The following CEP19 variants were observed in gnomAD, a reference collection of about 807,000 sequenced individuals.
The protein encoded by CEP19 is centrosomal protein of 19 kDa.
Under a neutral mutation model 17.5 loss-of-function variants are expected in CEP19, and 14 were observed. The observed-to-expected ratio is 0.80, with a 90% confidence interval of 0.53 to 1.25. The LOEUF (loss-of-function observed/expected upper bound fraction) is 1.25, where lower values mean the gene tolerates loss of function less well. CEP19 is among the 50% of genes most tolerant of loss of function. CEP19 has a pLI of 0.00. For missense variants in CEP19, 193 were observed against 192.0 expected, an observed-to-expected ratio of 1.01 and a Z score of -0.03; for synonymous variants, 59 against 65.5, an observed-to-expected ratio of 0.90 and a Z score of 0.48.
Position 196,707,532 on chromosome 3 carries a change from A to ATTTTT in CEP19, c.*18_*19insAAAAA, listed in dbSNP as rs755898035. 1.3e-6 allele frequency: 2 copies of ATTTTT among 1,582,902 alleles called. No individual in the cohort carries two copies. Among genetic ancestry groups the ATTTTT allele is most frequent in the Non-Finnish European group, 1.7e-6 (2 of 1,166,770 alleles). On this transcript the variant is annotated 3_prime_UTR_variant, in exon 3 of 3. Transcript: ENST00000409690. The stretch of plus-strand genomic sequence containing the variant: ...CATGGATATTCTGCTAGCCCAATGC[A>ATTTTT]TGTTTTGAGTGTTTGGTATCAGAAC...
At chr3:196,709,745 C>T (rs1711676481) in intron 1 of CEP19, among the ~76,000 whole-genome samples, 1 of 152,216 alleles carries the variant, frequency 6.6e-6, no homozygotes, top group Non-Finnish European at 1.5e-5. Flanking sequence ...TTACTATTCT[C>T]TCTTCCTTTC....
At position 196,708,735 on chromosome 3, in the gene CEP19, G is replaced by T; in HGVS notation, c.-70-8C>A. ...TTGCATAATGACTTCCTGCTAAAGGGAAAAAACAACTAGGTGTTGGATAAA... is the reference window on the plus strand; with the variant it reads ...TTGCATAATGACTTCCTGCTAAAGGTAAAAAACAACTAGGTGTTGGATAAA... On this transcript the variant is annotated splice_polypyrimidine_tract_variant and splice_region_variant and intron_variant, in intron 1 of 2. Transcript: ENST00000409690. 6.9e-7 allele frequency: 1 copy of T among 1,455,636 alleles called. No individual in the cohort carries two copies. Among genetic ancestry groups the T allele is most frequent in the Non-Finnish European group, 9.4e-7 (1 of 1,058,488 alleles). The allele number at this position is 1,455,636 out of a possible 1,614,324, so 90.2% of individuals were successfully genotyped here. A position where few individuals can be genotyped will look rare whatever the true frequency, so the allele number is the denominator to read the frequency against.
chr3:196,711,868 CA>C, intron 1 of CEP19, 60 bp downstream of exon 1: 2 of 717,026 alleles, frequency 2.8e-6, no homozygotes, highest in Middle Eastern at 2.3e-4. Context: ...CGAATGTCCC[CA>C]AAGAGTAGAC....
intron 1 of CEP19, 160 bp from the exon 2 acceptor site, chr3:196,708,887 GT>G: frequency 1.9e-6 from 1 of 515,018 alleles, no homozygotes; most frequent in Non-Finnish European, 3.5e-6. Context: ...ATGAATTTGT[GT>G]GTCATCCTTG....
In CEP19 at chr3:196,708,564, G is replaced by A. The variant is rs1356324447; in HGVS notation, c.94C>T (p.Arg32Cys). Residue 32 changes from arginine to cysteine, a missense_variant, in exon 2 of 3, where the codon CGC becomes TGC. Arg to Cys is a radical substitution (Grantham distance 180). Transcript: ENST00000409690. ...GAAAAGTTTCGAACTGGCATAATGC[G>A]CTGGCGAATTTTCCCCTTGATTTCA... ...ESEIKGKIRQRIMPVRNFSKF... is the reference protein window; with the variant it reads ...ESEIKGKIRQCIMPVRNFSKF... 11 of 1,614,004 alleles carry A rather than the reference G, an allele frequency of 6.8e-6. No homozygotes were observed. The Admixed American group carries it at 1.2e-4, about 17-fold the overall frequency.
chr3:196,711,669 C>T (rs144852129), intron 1 of CEP19, among the ~76,000 whole-genome samples: 12 of 152,158 alleles, frequency 7.9e-5, no homozygotes, highest in African/African-American at 2.7e-4. Flanking sequence ...TTGAGACACC[C>T]GCTCTAGAGC....
chr3:196,707,320 C>T lies in CEP19; in HGVS notation c.*231G>A, dbSNP rs888084666. On this transcript the variant is annotated 3_prime_UTR_variant, in exon 3 of 3. Transcript: ENST00000409690. ...TGCTGGGATTACAGGCGTGAGCCAC[C>T]GCACCCGGCATGATTGTAAGCTCCT... is the stretch of plus-strand genomic sequence containing the variant. 22 of 509,718 alleles carry T rather than the reference C, an allele frequency of 4.3e-5. No homozygotes were observed. Among genetic ancestry groups the T allele is most frequent in the African/African-American group, 2.9e-4 (15 of 50,990 alleles). The allele number at this position is 509,718 out of a possible 1,614,324, so 31.6% of individuals were successfully genotyped here. A position where few individuals can be genotyped will look rare whatever the true frequency, so the allele number is the denominator to read the frequency against.
At chr3:196,711,879 C>A (rs911984201) in intron 1 of CEP19, 50 bp downstream of exon 1, 1 of 717,162 alleles carries the variant, frequency 1.4e-6, no homozygotes, top group African/African-American at 1.7e-5. Context: ...AAAGAGTAGA[C>A]GATTCTCTCC....
rs1711566779 is a variant in CEP19 at position 196,707,584 on chromosome 3, ACAGGACTG to A, written c.451_458del (p.Gln151TrpfsTer8). On this transcript the variant is annotated frameshift_variant, in exon 3 of 3. Transcript: ENST00000409690. LOFTEE classifies it high-confidence loss of function. ...CATCAGCTGACTCTGTGTCCCAGCC[ACAGGACTG>A]CAGTTGATCGTCCTGTGGAAATTCA... 6.2e-7 allele frequency: 1 copy of A among 1,612,566 alleles called. No individual in the cohort carries two copies. The highest frequency in any genetic ancestry group is 1.3e-5 in the African/African-American group (1 of 74,890).
intron 1 of CEP19, 160 bp from the exon 2 acceptor site, chr3:196,708,887 G>T (rs776888145): frequency 4.3e-5 from 22 of 514,898 alleles, no homozygotes; most frequent in Non-Finnish European, 6.9e-5. Flanking sequence ...ATGAATTTGT[G>T]TGTCATCCTT....
In CEP19 at chr3:196,710,857, A is replaced by C. The variant is rs1442868358; in HGVS notation, c.-71+1072T>G. ...CGCCTATTCTTAAAAAAAAAAAAAAAAAAAAAAAAAACTACTTTAAAAAAT... is the reference window on the plus strand; with the variant it reads ...CGCCTATTCTTAAAAAAAAAAAAAACAAAAAAAAAAACTACTTTAAAAAAT... On this transcript the variant is annotated intron_variant, in intron 1 of 2. Coordinates refer to ENST00000409690, the MANE Select transcript of CEP19 (RefSeq NM_032898.5). Among the ~76,000 whole-genome samples the C allele has an allele frequency of 4.0e-5, 6 of 150,312 alleles. 1 individual carries two copies. The highest frequency in any genetic ancestry group is 8.9e-5 in the Non-Finnish European group (6 of 67,632).
In CEP19 at chr3:196,706,657, A is replaced by G. The variant is rs760915333; in HGVS notation, c.*894T>C. Reference sequence around the variant, plus strand: ...TTCCAGAGATAAATAATATAAAGATATAACACATAAGAGGTAATTCCCTGG... The same window carrying G: ...TTCCAGAGATAAATAATATAAAGATGTAACACATAAGAGGTAATTCCCTGG... On this transcript the variant is annotated 3_prime_UTR_variant, in exon 3 of 3. Coordinates refer to ENST00000409690, the MANE Select transcript of CEP19 (RefSeq NM_032898.5). 1.3e-5 allele frequency: 2 copies of G among 152,230 alleles called. No individual in the cohort carries two copies. Among genetic ancestry groups the G allele is most frequent in the Non-Finnish European group, 2.9e-5 (2 of 68,042 alleles). The allele number at this position is 152,230 out of a possible 1,614,324, so 9.4% of individuals were successfully genotyped here.
chr3:196,710,767 A>C (rs1002102030), intron 1 of CEP19, among the ~76,000 whole-genome samples: 14 of 148,250 alleles, frequency 9.4e-5, no homozygotes, highest in Non-Finnish European at 1.8e-4. Context: ...GCCTGAACCC[A>C]GGAGTTTGGG....
In CEP19 at chr3:196,708,580, CT is replaced by C; in HGVS notation, c.77del (p.Lys26ArgfsTer27). Reference protein sequence around the residue: ...AIILIYESEIKGKIRQRIMPV... With the variant: ...AIILIYESEIXGKIRQRIMPV... ...GCATAATGCGCTGGCGAATTTTCCC[CT>C]TGATTTCACTCTCATAGATTAAGAT... On this transcript the variant is annotated frameshift_variant, in exon 2 of 3. Transcript: ENST00000409690. LOFTEE classifies it high-confidence loss of function. The C allele has an allele frequency of 6.2e-7, 1 of 1,614,156 alleles. No individual in the cohort carries two copies. Among genetic ancestry groups the C allele is most frequent in the Non-Finnish European group, 8.5e-7 (1 of 1,180,006 alleles).
At position 196,707,866 on chromosome 3, in the gene CEP19, C is replaced by A; in HGVS notation, c.177G>T (p.Lys59Asn). The change falls in exon 3 of 3, where the codon AAG (lysine) becomes AAT (asparagine). Residue 59 changes from lysine (K) to asparagine (N), a missense_variant. Coordinates refer to ENST00000409690, the MANE Select transcript of CEP19 (RefSeq NM_032898.5). The part of the protein sequence containing the change: ...AEQLKNNPRH[K>N]SYLEQVSLRQ... Reference sequence around the variant, plus strand: ...TCAGGGATACTTGTTCTAGGTAACTCTTGTGTCGCGGATTATTCTTTAATT... The same window carrying A: ...TCAGGGATACTTGTTCTAGGTAACTATTGTGTCGCGGATTATTCTTTAATT... 6.2e-7 allele frequency: 1 copy of A among 1,613,614 alleles called. No homozygotes were observed. The highest frequency in any genetic ancestry group is 8.5e-7 in the Non-Finnish European group (1 of 1,180,006).
At chr3:196,709,593 G>A (rs1445928740) in intron 1 of CEP19, among the ~76,000 whole-genome samples, 1 of 152,154 alleles carries the variant, frequency 6.6e-6, no homozygotes, top group Admixed American at 6.5e-5. Flanking sequence ...AGTAACGTCT[G>A]CAGCTACATC....
chr3:196,708,481 T>A, intron 2 of CEP19, 47 bp downstream of exon 2: 1 of 1,581,986 alleles, frequency 6.3e-7, no homozygotes, highest in Non-Finnish European at 8.7e-7. Context: ...TGTGAACCTG[T>A]ATTTAGAGAA....
chr3:196,710,019 T>C (rs1457672644), intron 1 of CEP19, among the ~76,000 whole-genome samples: 1 of 152,176 alleles, frequency 6.6e-6, no homozygotes, highest in African/African-American at 2.4e-5. Context: ...TCACCCTTGA[T>C]TGTGTCCAGT....
At chr3:196,711,622 T>C (rs971378469) in intron 1 of CEP19, among the ~76,000 whole-genome samples, 3 of 152,202 alleles carry the variant, frequency 2.0e-5, no homozygotes, top group African/African-American at 7.2e-5. Context: ...ATTTTCAGTT[T>C]TGGATAGTAT....
Sources: gnomAD v4.1 joint callset for allele counts (sites outside exome capture counted in the v4.1 genomes callset) on GRCh38, gnomAD v4.1.1 for gene constraint, MANE v1.5 for transcripts, NCBI Gene and HGNC (gene_info 2026-07-23, HGNC 2026-07-21) for gene names.